MVB12B: variants seen among roughly 807,000 people sequenced by gnomAD.
The protein encoded by MVB12B is ESCRT-I complex subunit MVB12B.
In MVB12B, 16 loss-of-function variants were observed where a neutral mutation model predicts 41.6. That is an observed-to-expected ratio of 0.38 (90% CI 0.26 to 0.58). The LOEUF is 0.58. Ranked by LOEUF, MVB12B falls within the 20% of genes least tolerant of loss-of-function variation. The pLI is 0.62. For synonymous variants in MVB12B, 133 were observed against 139.7 expected, an observed-to-expected ratio of 0.95 and a Z score of 0.34; for missense variants, 274 against 380.2, an observed-to-expected ratio of 0.72 and a Z score of 2.32.
intron 9 of MVB12B, among the ~76,000 whole-genome samples, chr9:126,487,524 C>T (rs1052496369): frequency 2.6e-5 from 4 of 152,168 alleles, no homozygotes; most frequent in African/African-American, 9.7e-5. Flanking sequence ...CTTTGGAAGG[C>T]TGAGGCAAGC....
intron 6 of MVB12B, among the ~76,000 whole-genome samples, chr9:126,413,370 C>T (rs1481814699): frequency 2.0e-5 from 3 of 152,012 alleles, no homozygotes; most frequent in African/African-American, 7.3e-5. Context: ...CAGCAACTCG[C>T]CGTAGGATTG....
Position 126,484,068 on chromosome 9 carries a change from G to T in MVB12B, c.873+36G>T, listed in dbSNP as rs928603694. On this transcript the variant is annotated intron_variant, in intron 9 of 9. Transcript: ENST00000361171. ...CATCAGGGGAGGGGAGGGCAGGCCTGGGCCATCGCCTGCACACCGGCGTCT... is the reference window on the plus strand; with the variant it reads ...CATCAGGGGAGGGGAGGGCAGGCCTTGGCCATCGCCTGCACACCGGCGTCT... 1.9e-6 allele frequency: 3 copies of T among 1,599,662 alleles called. No homozygotes were observed. The African/African-American group carries it at 4.0e-5, about 21-fold the overall frequency.
Position 126,344,863 on chromosome 9 carries a change from C to T in MVB12B, c.204+4233C>T, listed in dbSNP as rs12340131. Reference sequence around the variant, plus strand: ...GGAGAGTGAGCAGGAGGGGGCCACACACATCCTTTAATTGGGAACCCACTC... The same window carrying T: ...GGAGAGTGAGCAGGAGGGGGCCACATACATCCTTTAATTGGGAACCCACTC... On this transcript the variant is annotated intron_variant, in intron 2 of 9. Coordinates refer to ENST00000361171, the MANE Select transcript of MVB12B (RefSeq NM_033446.3). 7.6e-3 allele frequency among the ~76,000 whole-genome samples: 1,160 copies of T among 152,294 alleles called. 20 individuals are homozygous for T. The highest frequency in any genetic ancestry group is 0.027 in the African/African-American group (1,116 of 41,562).
At chr9:126,397,171 AC>A (rs1831140926) in intron 6 of MVB12B, 1 of 985,368 alleles carries the variant, frequency 1.0e-6, no homozygotes, top group African/African-American at 1.7e-5. Flanking sequence ...TGAAGTTGTT[AC>A]AGCTGCTCCC....
At chr9:126,396,745 A>G (rs1296758303) in intron 6 of MVB12B, 2 of 985,382 alleles carry the variant, frequency 2.0e-6, no homozygotes, top group Non-Finnish European at 2.4e-6. Flanking sequence ...TCACAAACCA[A>G]GAGTGGTATT....
Position 126,376,773 on chromosome 9 carries a change from T to C in MVB12B, c.205-4291T>C. On this transcript the variant is annotated intron_variant, in intron 2 of 9. Coordinates refer to ENST00000361171, the MANE Select transcript of MVB12B (RefSeq NM_033446.3). The surrounding 1 kb of genome is among the most constrained non-coding windows in gnomAD (Gnocchi z 4.1). Reference sequence around the variant, plus strand: ...AGCCTCCTTCCCCACCTGCCGGGCTTGTAGAGTCCTGAGCTGTGCTGGGTT... The same window carrying C: ...AGCCTCCTTCCCCACCTGCCGGGCTCGTAGAGTCCTGAGCTGTGCTGGGTT... The C allele has an allele frequency of 8.3e-7, 1 of 1,206,334 alleles. No homozygotes were observed. The highest frequency in any genetic ancestry group is 1.1e-6 in the Non-Finnish European group (1 of 939,572). The allele number at this position is 1,206,334 out of a possible 1,614,324, so 74.7% of individuals were successfully genotyped here.
chr9:126,433,455 T>C (rs1832383349), intron 7 of MVB12B, among the ~76,000 whole-genome samples: 1 of 151,770 alleles, frequency 6.6e-6, no homozygotes, highest in Non-Finnish European at 1.5e-5. Flanking sequence ...GTGGTGGCCT[T>C]CTCTTAGCCT....
intron 7 of MVB12B, among the ~76,000 whole-genome samples, chr9:126,458,972 A>G (rs1833038220): frequency 6.6e-6 from 1 of 152,182 alleles, no homozygotes; most frequent in African/African-American, 2.4e-5. Context: ...CTTTCTTTCT[A>G]TTACTGAAAG....
At position 126,386,789 on chromosome 9, in the gene MVB12B, C is replaced by T. The variant is rs1830807706; in HGVS notation, c.409+131C>T. ...GCCTTACTACATGCCCATGAACAAA[C>T]CCTGCTGCTTTTGATGTGTGTCTGG... On this transcript the variant is annotated intron_variant, in intron 4 of 9. Coordinates refer to ENST00000361171, the MANE Select transcript of MVB12B (RefSeq NM_033446.3). The surrounding 1 kb of genome is among the most constrained non-coding windows in gnomAD (Gnocchi z 4.3). 1 of 654,974 alleles carries T rather than the reference C, an allele frequency of 1.5e-6. No homozygotes were observed. Among genetic ancestry groups the T allele is most frequent in the Admixed American group, 2.4e-5 (1 of 41,852 alleles). The allele number at this position is 654,974 out of a possible 1,614,324, so 40.6% of individuals were successfully genotyped here.
At chr9:126,346,953 G>A (rs924422743) in intron 2 of MVB12B, among the ~76,000 whole-genome samples, 54 of 152,352 alleles carry the variant, frequency 3.5e-4, no homozygotes, top group African/African-American at 1.2e-3. Flanking sequence ...CAAGGTAAGT[G>A]GGAGGTGACA....
At chr9:126,407,743 G>A (rs1024892770) in intron 6 of MVB12B, among the ~76,000 whole-genome samples, 2 of 152,090 alleles carry the variant, frequency 1.3e-5, no homozygotes, top group South Asian at 2.1e-4. Flanking sequence ...ACCAAAGACC[G>A]TGTTGTAAAT....
rs550494260 is a variant in MVB12B at position 126,500,264 on chromosome 9, G to T, written c.874-2913G>T. Among the ~76,000 whole-genome samples, 3 of 152,338 alleles carry T rather than the reference G, an allele frequency of 2.0e-5. No homozygotes were observed. The South Asian group carries it at 6.2e-4, about 32-fold the overall frequency. On this transcript the variant is annotated intron_variant, in intron 9 of 9. Transcript: ENST00000361171. ...CCTCCCCCAGCCCCTCCACTGCCCT[G>T]CAGGAACCTGGCTCTGGGCTTTCTC...
intron 6 of MVB12B, among the ~76,000 whole-genome samples, chr9:126,409,228 A>G (rs997854673): frequency 6.6e-6 from 1 of 152,152 alleles, no homozygotes; most frequent in East Asian, 1.9e-4. Flanking sequence ...CAGATGATCC[A>G]AAATACAGCC....
At chr9:126,499,307 C>T (rs1008560816) in intron 9 of MVB12B, among the ~76,000 whole-genome samples, 2 of 152,130 alleles carry the variant, frequency 1.3e-5, no homozygotes, top group African/African-American at 2.4e-5. Context: ...ATCTCTTTCC[C>T]GAGAGAGGCC....
rs908926950 is a variant in MVB12B at position 126,389,936 on chromosome 9, C to A, written c.410-2130C>A. On this transcript the variant is annotated intron_variant, in intron 4 of 9. Transcript: ENST00000361171. The surrounding 1 kb of genome is among the most constrained non-coding windows in gnomAD (Gnocchi z 4.4). ...CCCTCAGTTTCTGTGCCTGAGGAAC[C>A]CACAGTTATCTGACTCTTTAAAAAA... Among the ~76,000 whole-genome samples the A allele has an allele frequency of 1.3e-5, 2 of 152,128 alleles. No individual in the cohort carries two copies. Among genetic ancestry groups the A allele is most frequent in the Admixed American group, 6.6e-5 (1 of 15,266 alleles).
At position 126,468,452 on chromosome 9, in the gene MVB12B, G is replaced by A. The variant is rs1039624951; in HGVS notation, c.758-12917G>A. Among the ~76,000 whole-genome samples, 1 of 152,106 alleles carries A rather than the reference G, an allele frequency of 6.6e-6. No individual in the cohort carries two copies. The highest frequency in any genetic ancestry group is 1.5e-5 in the Non-Finnish European group (1 of 68,020). On this transcript the variant is annotated intron_variant, in intron 7 of 9. Coordinates refer to ENST00000361171, the MANE Select transcript of MVB12B (RefSeq NM_033446.3). This position sits in a 1 kb window ranked among gnomAD's most constrained non-coding sequence, Gnocchi z 4.3. ...CTGCTGCTTTTCCGCTGGCCCCCAC[G>A]CCCCGTCAGTACCTGGCATTTCATT...
At chr9:126,470,678 A>G (rs12343562) in intron 7 of MVB12B, among the ~76,000 whole-genome samples, 1,161 of 50,004 alleles carry the variant, frequency 0.023, 7 homozygotes, top group Admixed American at 0.043. Flanking sequence ...GTGTGTGTGT[A>G]ATCCAGATTG....
rs988922204 is a variant in MVB12B at position 126,459,401 on chromosome 9, G to T, written c.758-21968G>T. 6.6e-6 allele frequency among the ~76,000 whole-genome samples: 1 copy of T among 152,218 alleles called. No individual in the cohort carries two copies. Among genetic ancestry groups the T allele is most frequent in the African/African-American group, 2.4e-5 (1 of 41,454 alleles). Reference sequence around the variant, plus strand: ...CAAAGTCCAAAGCCGTCTCCAAGACGCAGCTGCATCACTGCCTGCCCCTAG... The same window carrying T: ...CAAAGTCCAAAGCCGTCTCCAAGACTCAGCTGCATCACTGCCTGCCCCTAG... On this transcript the variant is annotated intron_variant, in intron 7 of 9. Coordinates refer to ENST00000361171, the MANE Select transcript of MVB12B (RefSeq NM_033446.3). This position sits in a 1 kb window ranked among gnomAD's most constrained non-coding sequence, Gnocchi z 4.3.
intron 3 of MVB12B, among the ~76,000 whole-genome samples, chr9:126,384,620 C>T (rs1392672803): frequency 1.3e-5 from 2 of 152,112 alleles, no homozygotes; most frequent in Non-Finnish European, 2.9e-5. Context: ...CCTCCACCTC[C>T]TGGGTTCAAG....
Sources: allele counts gnomAD v4.1 joint callset (sites outside exome capture counted in the v4.1 genomes callset), GRCh38; gene constraint gnomAD v4.1.1; non-coding constraint Gnocchi (gnomAD v3.1); transcripts MANE v1.5; gene names NCBI Gene and HGNC (gene_info 2026-07-23, HGNC 2026-07-21).